The following NRXN3 variants were observed in gnomAD, a reference collection of about 807,000 sequenced individuals.
The protein encoded by NRXN3 is neurexin III.
Under a neutral mutation model 137.6 loss-of-function variants are expected in NRXN3, and 32 were observed. The ratio of observed to expected loss-of-function variants is 0.23; its 90% confidence interval spans 0.18 to 0.31. NRXN3 has a LOEUF of 0.31. NRXN3 is among the 10% of genes least tolerant of loss of function. NRXN3 has a pLI of 1.00. For synonymous variants in NRXN3, 798 were observed against 784.5 expected (o/e 1.02, Z -0.29); for missense variants, 1,574 against 2,062.5 (o/e 0.76, Z 4.59).
chr14:79,650,917 G>T (rs1268675851), intron 16 of NRXN3, among the ~76,000 whole-genome samples: 1 of 152,170 alleles, frequency 6.6e-6, no homozygotes, highest in Non-Finnish European at 1.5e-5. Flanking sequence ...CTCCCAAGAG[G>T]CAGGGATTGA....
intron 16 of NRXN3, among the ~76,000 whole-genome samples, chr14:79,639,479 T>A (rs2098422086): frequency 6.6e-6 from 1 of 152,204 alleles, no homozygotes; most frequent in Non-Finnish European, 1.5e-5. Flanking sequence ...GGCTTTGTTT[T>A]TTTTTTCATG....
At chr14:79,103,458 T>C (rs75576347) in intron 15 of NRXN3, among the ~76,000 whole-genome samples, 158 of 152,270 alleles carry the variant, frequency 1.0e-3, no homozygotes, top group Non-Finnish European at 1.8e-3. Context: ...TGGGAAAAGA[T>C]AATGAGTTCG....
chr14:79,662,251 T>G (rs757151225), intron 16 of NRXN3, among the ~76,000 whole-genome samples: 3 of 152,170 alleles, frequency 2.0e-5, no homozygotes, highest in Non-Finnish European at 2.9e-5. Context: ...CCCAACATAT[T>G]GCCAGTAATT....
chr14:79,845,117 C>T (rs1242636659), intron 20 of NRXN3, among the ~76,000 whole-genome samples: 5 of 152,128 alleles, frequency 3.3e-5, no homozygotes, highest in African/African-American at 1.2e-4. Context: ...GCTTCCTCAC[C>T]TGCCTCAGCC....
intron 20 of NRXN3, among the ~76,000 whole-genome samples, chr14:79,856,651 C>G (rs1241927229): frequency 6.7e-6 from 1 of 149,452 alleles, no homozygotes; most frequent in Non-Finnish European, 1.5e-5. Flanking sequence ...TAACCCACTG[C>G]ATTCACTATC....
chr14:79,174,160 C>T (rs1219459398), intron 15 of NRXN3, among the ~76,000 whole-genome samples: 3 of 152,016 alleles, frequency 2.0e-5, no homozygotes, highest in African/African-American at 7.2e-5. Flanking sequence ...GCCTGCCACA[C>T]AAATGAAGGT....
At chr14:79,146,702 A>C (rs2059333271) in intron 15 of NRXN3, among the ~76,000 whole-genome samples, 1 of 152,262 alleles carries the variant, frequency 6.6e-6, no homozygotes, top group South Asian at 2.1e-4. Context: ...TTGGAAGGAG[A>C]GAGTAATTTA....
At chr14:78,948,861 A>G (rs1409721589) in intron 10 of NRXN3, among the ~76,000 whole-genome samples, 3 of 152,092 alleles carry the variant, frequency 2.0e-5, no homozygotes, top group Admixed American at 6.5e-5. Flanking sequence ...GGATGTAAAC[A>G]TGGAGAAACT....
chr14:79,247,402 C>A (rs925991090), intron 15 of NRXN3: 2 of 152,130 alleles, frequency 1.3e-5, no homozygotes, highest in African/African-American at 4.8e-5. Flanking sequence ...GCCATACTAA[C>A]AGGCAGTAAT....
At chr14:78,412,296 A>G (rs2092880379) in intron 4 of NRXN3, among the ~76,000 whole-genome samples, 1 of 152,200 alleles carries the variant, frequency 6.6e-6, no homozygotes, top group Admixed American at 6.5e-5. Flanking sequence ...CAGCAACCAT[A>G]ACATTCAACA....
chr14:79,826,311 C>A (rs2099300947), intron 20 of NRXN3, among the ~76,000 whole-genome samples: 1 of 151,786 alleles, frequency 6.6e-6, no homozygotes, highest in Non-Finnish European at 1.5e-5. Flanking sequence ...TTTTTTTAAA[C>A]CTTGGATTTT....
chr14:78,512,881 G>A lies in NRXN3; in HGVS notation c.758-132239G>A, dbSNP rs567511948. On this transcript the variant is annotated intron_variant, in intron 4 of 20. Coordinates refer to ENST00000335750, the MANE Select transcript of NRXN3 (RefSeq NM_001330195.2). The stretch of plus-strand genomic sequence containing the variant: ...ATTCTTTCTGAGAAGGAAGTCTAGG[G>A]CATCTGTCATTGAGAGTGCTATTGA... Among the ~76,000 whole-genome samples, 10 of 152,288 alleles carry A rather than the reference G, an allele frequency of 6.6e-5. No homozygotes were observed. The East Asian group carries it at 9.6e-4, about 15-fold the overall frequency.
intron 15 of NRXN3, among the ~76,000 whole-genome samples, chr14:79,213,629 G>GGA (rs1212746108): frequency 2.0e-5 from 3 of 151,438 alleles, no homozygotes; most frequent in African/African-American, 7.3e-5. Context: ...TTTTTTTGGG[G>GGA]GGGGGTGGCG....
chr14:79,387,782 G>T (rs1423452227), intron 15 of NRXN3, among the ~76,000 whole-genome samples: 3 of 152,002 alleles, frequency 2.0e-5, no homozygotes, highest in South Asian at 2.1e-4. Context: ...CCATAAAAAA[G>T]GATGAGTTCA....
At chr14:79,586,335 A>G (rs1331107981) in intron 16 of NRXN3, among the ~76,000 whole-genome samples, 1 of 152,258 alleles carries the variant, frequency 6.6e-6, no homozygotes, top group Non-Finnish European at 1.5e-5. Flanking sequence ...CAAAGAATGT[A>G]AAATAGAAAA....
chr14:79,695,436 G>T (rs947418225), intron 18 of NRXN3, among the ~76,000 whole-genome samples: 10 of 152,040 alleles, frequency 6.6e-5, no homozygotes, highest in African/African-American at 2.4e-4. Flanking sequence ...GCCAGCAGTT[G>T]TGTGCATGGA....
chr14:79,209,707 A>G (rs148971688), intron 15 of NRXN3, among the ~76,000 whole-genome samples: 14 of 152,280 alleles, frequency 9.2e-5, no homozygotes, highest in Non-Finnish European at 1.6e-4. Context: ...GCTCTTTCTT[A>G]TACCAGCGAT....
chr14:78,246,013 C>T (rs761443756), intron 2 of NRXN3, among the ~76,000 whole-genome samples: 1 of 152,218 alleles, frequency 6.6e-6, no homozygotes, highest in Admixed American at 6.5e-5. Context: ...TGCCTGAAGA[C>T]GCTGACATGA....
chr14:79,260,350 C>T (rs1176685980), intron 15 of NRXN3, among the ~76,000 whole-genome samples: 1 of 152,104 alleles, frequency 6.6e-6, no homozygotes, highest in African/African-American at 2.4e-5. Flanking sequence ...GGGATGCTAG[C>T]AGGTGGGAAG....
Sources: gnomAD v4.1 joint callset for allele counts (sites outside exome capture counted in the v4.1 genomes callset) on GRCh38, gnomAD v4.1.1 for gene constraint, MANE v1.5 for transcripts, NCBI Gene and HGNC (gene_info 2026-07-23, HGNC 2026-07-21) for gene names.